The following CELF4 variants were observed in gnomAD, a reference collection of about 807,000 sequenced individuals.
CELF4 encodes CUG-BP- and ETR-3-like factor 4.
Under a neutral mutation model 59.9 loss-of-function variants are expected in CELF4, and 18 were observed. That is an observed-to-expected ratio of 0.30 (90% CI 0.21 to 0.45). CELF4 has a LOEUF of 0.45. Among genes scored for constraint, CELF4 ranks in the 20% least tolerant of loss-of-function variants. CELF4 has a pLI of 1.00. For missense variants in CELF4, 456 were observed against 689.0 expected, an observed-to-expected ratio of 0.66 and a Z score of 3.79; for synonymous variants, 261 against 267.1, an observed-to-expected ratio of 0.98 and a Z score of 0.22.
At chr18:37,336,804 T>C (rs995331663) in intron 2 of CELF4, among the ~76,000 whole-genome samples, 1 of 152,164 alleles carries the variant, frequency 6.6e-6, no homozygotes, top group Non-Finnish European at 1.5e-5. Flanking sequence ...TAAACACTAA[T>C]TAGGTTTAGA....
chr18:37,270,628 G>T, intron 8 of CELF4, 140 bp downstream of exon 8: 1 of 1,010,720 alleles, frequency 9.9e-7, no homozygotes, highest in Non-Finnish European at 1.5e-6. Context: ...TGGGAGGCTG[G>T]CCCTCTCTGA....
intron 9 of CELF4, among the ~76,000 whole-genome samples, chr18:37,265,750 G>T (rs2077221920): frequency 6.6e-6 from 1 of 152,176 alleles, no homozygotes. Context: ...CTCCAGATGT[G>T]CCAGGCCAGC....
intron 3 of CELF4, among the ~76,000 whole-genome samples, chr18:37,304,369 A>C (rs1288765801): frequency 6.6e-6 from 1 of 152,198 alleles, no homozygotes; most frequent in Non-Finnish European, 1.5e-5. Flanking sequence ...ATGAGACAGC[A>C]GGCTTCCAGA....
chr18:37,317,104 C>T (rs544738565), intron 3 of CELF4, among the ~76,000 whole-genome samples: 4 of 152,254 alleles, frequency 2.6e-5, no homozygotes, highest in South Asian at 2.1e-4. Context: ...AACATATTTC[C>T]GGCCGGGCGC....
chr18:37,469,051 G>A (rs1569569526), intron 2 of CELF4, among the ~76,000 whole-genome samples: 2 of 152,096 alleles, frequency 1.3e-5, no homozygotes, highest in Non-Finnish European at 2.9e-5. Flanking sequence ...AGATTTCCTG[G>A]GGCCATCTTC....
chr18:37,545,512 G>A (rs1048524053), intron 1 of CELF4, among the ~76,000 whole-genome samples: 1 of 152,158 alleles, frequency 6.6e-6, no homozygotes, highest in African/African-American at 2.4e-5. Flanking sequence ...GGAGATCGGT[G>A]TTTCTGGACA....
intron 1 of CELF4, among the ~76,000 whole-genome samples, chr18:37,509,733 C>T (rs891087725): frequency 2.0e-5 from 3 of 152,214 alleles, no homozygotes; most frequent in African/African-American, 7.2e-5. Flanking sequence ...CAACAGTATT[C>T]ACAAAACCTA....
At chr18:37,531,204 C>T (rs1425493806) in intron 1 of CELF4, among the ~76,000 whole-genome samples, 2 of 152,310 alleles carry the variant, frequency 1.3e-5, no homozygotes, top group East Asian at 1.9e-4. Flanking sequence ...TCCACAGGTA[C>T]TGGGAGACCC....
At chr18:37,427,904 A>G (rs953454871) in intron 2 of CELF4, among the ~76,000 whole-genome samples, 2 of 152,178 alleles carry the variant, frequency 1.3e-5, no homozygotes, top group Non-Finnish European at 2.9e-5. Flanking sequence ...CTGGTCCCCA[A>G]ATATATGCAC....
intron 2 of CELF4, among the ~76,000 whole-genome samples, chr18:37,464,674 G>A (rs2099803076): frequency 6.6e-6 from 1 of 152,122 alleles, no homozygotes; most frequent in Admixed American, 6.5e-5. Flanking sequence ...CTGGCACTCT[G>A]TGGGTCATGG....
At chr18:37,410,104 G>A (rs1003039067) in intron 2 of CELF4, among the ~76,000 whole-genome samples, 10 of 152,206 alleles carry the variant, frequency 6.6e-5, no homozygotes, top group Admixed American at 2.0e-4. Flanking sequence ...GCCGATGTGT[G>A]TGAGGTTCTC....
chr18:37,501,580 G>A (rs1277201333), intron 1 of CELF4, among the ~76,000 whole-genome samples: 1 of 152,268 alleles, frequency 6.6e-6, no homozygotes, highest in Non-Finnish European at 1.5e-5. Flanking sequence ...GGGATATGGA[G>A]GAAGCCAGGT....
At chr18:37,355,176 G>A (rs1160259241) in intron 2 of CELF4, among the ~76,000 whole-genome samples, 3 of 152,206 alleles carry the variant, frequency 2.0e-5, no homozygotes, top group Admixed American at 1.3e-4. Flanking sequence ...GATGTAAGGT[G>A]TGCACATACA....
chr18:37,458,550 C>T (rs575198675), intron 2 of CELF4, among the ~76,000 whole-genome samples: 54 of 152,346 alleles, frequency 3.5e-4, no homozygotes, highest in African/African-American at 1.3e-3. Flanking sequence ...GACCTTGTTA[C>T]AGTTTGCAGT....
chr18:37,338,794 G>GTGTGTGTGTGT (rs1557282748), intron 2 of CELF4, among the ~76,000 whole-genome samples: 15 of 103,690 alleles, frequency 1.4e-4, no homozygotes, highest in Admixed American at 4.9e-4. Flanking sequence ...GTGTGTGTGT[G>GTGTGTGTGTGT]GTGTGTGTGA....
chr18:37,528,477 A>G (rs1036571588), intron 1 of CELF4, among the ~76,000 whole-genome samples: 1 of 152,206 alleles, frequency 6.6e-6, no homozygotes, highest in East Asian at 1.9e-4. Context: ...TTTCTCGACA[A>G]TGCAATACTA....
At chr18:37,501,577 G>T (rs1442072071) in intron 1 of CELF4, among the ~76,000 whole-genome samples, 2 of 152,250 alleles carry the variant, frequency 1.3e-5, no homozygotes, top group Non-Finnish European at 2.9e-5. Context: ...AGAGGGATAT[G>T]GAGGAAGCCA....
intron 3 of CELF4, among the ~76,000 whole-genome samples, chr18:37,315,252 A>G (rs913362106): frequency 6.6e-5 from 10 of 152,088 alleles, no homozygotes; most frequent in Admixed American, 3.3e-4. Flanking sequence ...GCCACTGGGT[A>G]GAAAGAGACA....
At chr18:37,310,734 C>T (rs1170636440) in intron 3 of CELF4, among the ~76,000 whole-genome samples, 1 of 151,634 alleles carries the variant, frequency 6.6e-6, no homozygotes, top group Non-Finnish European at 1.5e-5. Context: ...GCCAGGGGGA[C>T]GCTGGATACA....
Sources: allele counts gnomAD v4.1 joint callset (sites outside exome capture counted in the v4.1 genomes callset), GRCh38; gene constraint gnomAD v4.1.1; transcripts MANE v1.5; gene names NCBI Gene and HGNC (gene_info 2026-07-23, HGNC 2026-07-21).